The following MEGF11 variants were observed in gnomAD, a reference collection of about 807,000 sequenced individuals.
MEGF11 encodes the protein multiple epidermal growth factor-like domains protein 11.
A neutral mutation model predicts 146.6 loss-of-function variants in MEGF11; 126 were observed. The observed-to-expected ratio is 0.86, with a 90% CI of 0.74 to 1.00. The LOEUF (loss-of-function observed/expected upper bound fraction) is 1.00, where lower values mean the gene tolerates loss of function less well. Among genes scored for constraint, MEGF11 ranks in the 50% least tolerant of loss-of-function variants. The probability of loss-of-function intolerance (pLI) is 0.00; values close to 1 mark genes in which losing one functional copy is unlikely to be tolerated. For missense variants in MEGF11, 1,509 were observed against 1,521.2 expected (o/e 0.99, Z 0.13); for synonymous variants, 532 against 583.4 (o/e 0.91, Z 1.27).
Position 66,010,616 on chromosome 15 carries a change from G to A in MEGF11, c.395-28128C>T, listed in dbSNP as rs575060636. Among the ~76,000 whole-genome samples the A allele has an allele frequency of 2.6e-5, 4 of 152,208 alleles. No homozygotes were observed. In the East Asian group the frequency reaches 7.7e-4, roughly 29 times the overall value. ...CTCTATTGAATAGAGTGCAGGGTTTGTCACAAGTGATTTGCTACTAACGTA... is the reference window on the plus strand; with the variant it reads ...CTCTATTGAATAGAGTGCAGGGTTTATCACAAGTGATTTGCTACTAACGTA... On this transcript the variant is annotated intron_variant, in intron 5 of 25. Coordinates refer to ENST00000395614, the MANE Select transcript of MEGF11 (RefSeq NM_001385028.1).
intron 5 of MEGF11, among the ~76,000 whole-genome samples, chr15:66,071,391 T>A (rs2085359716): frequency 6.6e-6 from 1 of 152,230 alleles, no homozygotes; most frequent in African/African-American, 2.4e-5. Context: ...GAAGCCACTG[T>A]ATTTCTTGGT....
At chr15:65,929,526 T>C (rs571149625) in intron 12 of MEGF11, among the ~76,000 whole-genome samples, 194 bp downstream of exon 12, 3 of 152,278 alleles carry the variant, frequency 2.0e-5, no homozygotes, top group African/African-American at 7.2e-5. Flanking sequence ...TGCCATTTTA[T>C]AGACGAGGGG....
At chr15:66,156,848 G>A (rs2089777566) in intron 1 of MEGF11, among the ~76,000 whole-genome samples, 1 of 152,106 alleles carries the variant, frequency 6.6e-6, no homozygotes, top group East Asian at 1.9e-4. Context: ...AGAGAACAGA[G>A]CAACGCAAGA....
chr15:66,181,958 C>T (rs1016391447), intron 1 of MEGF11, among the ~76,000 whole-genome samples: 1 of 152,204 alleles, frequency 6.6e-6, no homozygotes, highest in African/African-American at 2.4e-5. Context: ...CCAGCCAGAC[C>T]TTCTGCCCAA....
intron 5 of MEGF11, among the ~76,000 whole-genome samples, chr15:65,993,708 A>T (rs1416201924): frequency 6.6e-6 from 1 of 152,238 alleles, no homozygotes; most frequent in South Asian, 2.1e-4. Flanking sequence ...TTTCCCAGCC[A>T]TGTAGGCTCT....
At chr15:66,028,803 T>C (rs333581) in intron 5 of MEGF11, among the ~76,000 whole-genome samples, 148,101 of 152,322 alleles carry the variant, frequency 0.97, 72,143 homozygotes, top group Middle Eastern at 1. Context: ...ATTATATGTG[T>C]GTATAACTAC....
intron 1 of MEGF11, among the ~76,000 whole-genome samples, chr15:66,249,152 T>A (rs887366236): frequency 1.3e-5 from 2 of 152,178 alleles, no homozygotes; most frequent in Non-Finnish European, 2.9e-5. Flanking sequence ...TTTGAGATGC[T>A]CAACAAACAG....
At chr15:66,245,206 T>C (rs1281234041) in intron 1 of MEGF11, among the ~76,000 whole-genome samples, 2 of 152,102 alleles carry the variant, frequency 1.3e-5, no homozygotes, top group Non-Finnish European at 2.9e-5. Context: ...GTCCTAGCAG[T>C]GAACAGGTAG....
rs531854294 is a variant in MEGF11 at position 66,152,917 on chromosome 15, A to G, written c.-8-24506T>C. On this transcript the variant is annotated intron_variant, in intron 1 of 25. Coordinates refer to ENST00000395614, the MANE Select transcript of MEGF11 (RefSeq NM_001385028.1). ...TCCCCGCCGAAGCCACCGCTTGCTC[A>G]CATGCAGCCCTCCTGGGCCTTGTGT... Among the ~76,000 whole-genome samples, 4 of 152,290 alleles carry G rather than the reference A, an allele frequency of 2.6e-5. No individual in the cohort carries two copies. In the South Asian group the frequency reaches 8.3e-4, roughly 32 times the overall value.
Position 65,929,708 on chromosome 15 carries a change from C to T in MEGF11, c.1572+12G>A, listed in dbSNP as rs1316605764. On this transcript the variant is annotated intron_variant, in intron 12 of 25. Coordinates refer to ENST00000395614, the MANE Select transcript of MEGF11 (RefSeq NM_001385028.1). ...CGGAGCCCAACCTGTCCCTCCCCAC[C>T]CTGGCACTCACCGGGCAAGGCAGCT... is the stretch of plus-strand genomic sequence containing the variant. The T allele has an allele frequency of 1.9e-6, 3 of 1,549,046 alleles. No homozygotes were observed. The highest frequency in any genetic ancestry group is 2.7e-5 in the African/African-American group (2 of 73,006).
chr15:66,186,123 C>T (rs1415106920), intron 1 of MEGF11, among the ~76,000 whole-genome samples: 1 of 152,178 alleles, frequency 6.6e-6, no homozygotes, highest in Admixed American at 6.5e-5. Context: ...GCCCCAGACC[C>T]AGGTTGACCA....
chr15:66,006,532 G>A lies in MEGF11; in HGVS notation c.395-24044C>T, dbSNP rs183954834. Among the ~76,000 whole-genome samples, 5 of 152,266 alleles carry A rather than the reference G, an allele frequency of 3.3e-5. No homozygotes were observed. In the East Asian group the frequency reaches 9.6e-4, roughly 29 times the overall value. On this transcript the variant is annotated intron_variant, in intron 5 of 25. Coordinates refer to ENST00000395614, the MANE Select transcript of MEGF11 (RefSeq NM_001385028.1). ...TAAGGGCATGACTTATACATGGTGG[G>A]CCCAGGGATTCCAGACAGAGACTCC...
At chr15:65,986,134 G>A (rs1182314748) in intron 5 of MEGF11, among the ~76,000 whole-genome samples, 2 of 151,878 alleles carry the variant, frequency 1.3e-5, no homozygotes, top group Non-Finnish European at 2.9e-5. Context: ...CGTACTTTTA[G>A]TAGAGACAGG....
chr15:66,124,784 C>T (rs2088250986), intron 2 of MEGF11, among the ~76,000 whole-genome samples: 1 of 152,256 alleles, frequency 6.6e-6, no homozygotes, highest in African/African-American at 2.4e-5. Context: ...CTCAGCTTAA[C>T]CAAAATAAGC....
At chr15:66,054,666 C>A (rs1445468465) in intron 5 of MEGF11, among the ~76,000 whole-genome samples, 1 of 152,170 alleles carries the variant, frequency 6.6e-6, no homozygotes, top group Non-Finnish European at 1.5e-5. Flanking sequence ...AAAAGTATCA[C>A]AAGAAAGGCC....
At position 66,128,344 on chromosome 15, in the gene MEGF11, C is replaced by A; in HGVS notation, c.60G>T (p.Leu20=). The change falls in exon 2 of 26, where the codon CTG becomes CTT. Residue 20 remains leucine (L), a synonymous_variant. Coordinates refer to ENST00000395614, the MANE Select transcript of MEGF11 (RefSeq NM_001385028.1). ...AFSFLQATLA[L]NPEDPNVCSH... ...TGCACACGTTGGGGTCCTCGGGGTTCAGGGCAAGGGTGGCTTGCAGGAAGG... is the reference window on the plus strand; with the variant it reads ...TGCACACGTTGGGGTCCTCGGGGTTAAGGGCAAGGGTGGCTTGCAGGAAGG... 6.6e-7 allele frequency: 1 copy of A among 1,524,842 alleles called. No homozygotes were observed. The highest frequency in any genetic ancestry group is 8.8e-7 in the Non-Finnish European group (1 of 1,134,624). The allele number at this position is 1,524,842 out of a possible 1,614,324, so 94.5% of individuals were successfully genotyped here.
At position 66,019,506 on chromosome 15, in the gene MEGF11, C is replaced by G. The variant is rs940226851; in HGVS notation, c.395-37018G>C. ...TGCCTTGGTCTTAGGCCAATTTTGC[C>G]CTCCCTCCCCTGGGGGCAGCACAAG... On this transcript the variant is annotated intron_variant, in intron 5 of 25. Transcript: ENST00000395614. Among the ~76,000 whole-genome samples, 8 of 152,322 alleles carry G rather than the reference C, an allele frequency of 5.3e-5. No individual in the cohort carries two copies. The East Asian group carries it at 1.5e-3, about 29-fold the overall frequency.
intron 5 of MEGF11, among the ~76,000 whole-genome samples, chr15:66,035,548 A>G (rs1024285626): frequency 2.0e-5 from 3 of 152,240 alleles, no homozygotes; most frequent in Non-Finnish European, 2.9e-5. Flanking sequence ...CAAAGCTTTT[A>G]TCCAGCTTCC....
chr15:66,126,939 C>T (rs2088379541), intron 2 of MEGF11, among the ~76,000 whole-genome samples: 1 of 152,172 alleles, frequency 6.6e-6, no homozygotes, highest in Non-Finnish European at 1.5e-5. Flanking sequence ...TTCGAATGCA[C>T]CTCCCGTGAG....
Sources: gnomAD v4.1 joint callset for allele counts (sites outside exome capture counted in the v4.1 genomes callset) on GRCh38, gnomAD v4.1.1 for gene constraint, MANE v1.5 for transcripts, NCBI Gene and HGNC (gene_info 2026-07-23, HGNC 2026-07-21) for gene names.